Variants in EPN2 observed in about 807,000 individuals in gnomAD.
EPN2 encodes the protein epsin-2.
In EPN2, 34 loss-of-function variants were observed where a neutral mutation model predicts 61.7. The observed-to-expected ratio is 0.55, with a 90% CI of 0.42 to 0.73. The LOEUF is 0.73. EPN2 is among the 30% of genes least tolerant of loss of function. EPN2 has a pLI of 0.00. For missense variants in EPN2, 714 were observed against 839.2 expected (o/e 0.85, Z 1.84); for synonymous variants, 349 against 353.6 (o/e 0.99, Z 0.15).
Position 19,329,591 on chromosome 17 carries a change from G to C in EPN2, c.1355G>C (p.Gly452Ala). The C allele has an allele frequency of 6.2e-7, 1 of 1,613,392 alleles. No homozygotes were observed. Among genetic ancestry groups the C allele is most frequent in the Non-Finnish European group, 8.5e-7 (1 of 1,179,434 alleles). Residue 452 changes from glycine (G) to alanine (A), a missense_variant, in exon 9 of 11, where the codon GGT becomes GCT. Gly to Ala is a moderately conservative substitution (Grantham distance 60, BLOSUM62 0). Transcript: ENST00000314728. ...TTTGAGCTCTTCAGTAATCTGAATG[G>C]TACAATTAAAGATGACTTTTCTGAA... ...GSFELFSNLN[G>A]TIKDDFSEFD...
At chr17:19,310,571 C>CTTTTTTTTTTTTTTTTTTTTTTTTTTTT (rs71155391) in intron 5 of EPN2, among the ~76,000 whole-genome samples, 1 of 80,912 alleles carries the variant, frequency 1.2e-5, no homozygotes, top group Non-Finnish European at 2.2e-5. Context: ...CTCCTTCTTT[C>CTTTTTTTTTTTTTTTTTTTTTTTTTTTT]TTTTTTTTTT....
intron 4 of EPN2, among the ~76,000 whole-genome samples, chr17:19,302,876 C>T (rs762189741): frequency 3.8e-4 from 58 of 152,172 alleles, no homozygotes; most frequent in Non-Finnish European, 6.8e-4. Flanking sequence ...CTTGAGGGCC[C>T]GTGCTCTCGT....
chr17:19,332,037 A>T lies in EPN2; in HGVS notation c.1596A>T (p.Pro532=). The change falls in exon 10 of 11, where the codon CCA becomes CCT. Residue 532 remains proline, a synonymous_variant. Coordinates refer to ENST00000314728, the MANE Select transcript of EPN2 (RefSeq NM_014964.5). ...LDSLVTRPAP[P]AQSLNPFLAP... Reference sequence around the variant, plus strand: ...CACTGGTGACCAGGCCTGCCCCACCAGCCCAGTCCCTCAACCCTTTCCTGG... The same window carrying T: ...CACTGGTGACCAGGCCTGCCCCACCTGCCCAGTCCCTCAACCCTTTCCTGG... 6.2e-7 allele frequency: 1 copy of T among 1,612,530 alleles called. No individual in the cohort carries two copies. Among genetic ancestry groups the T allele is most frequent in the Non-Finnish European group, 8.5e-7 (1 of 1,179,932 alleles).
At chr17:19,267,086 G>A (rs1291024724) in intron 1 of EPN2, among the ~76,000 whole-genome samples, 1 of 151,294 alleles carries the variant, frequency 6.6e-6, no homozygotes, top group African/African-American at 2.4e-5. Context: ...TGATCCGCCT[G>A]CCTCGGCCTC....
At chr17:19,271,987 A>C (rs2045259156) in intron 1 of EPN2, among the ~76,000 whole-genome samples, 2 of 152,248 alleles carry the variant, frequency 1.3e-5, no homozygotes, top group African/African-American at 4.8e-5. Context: ...CACATCCACC[A>C]GCCAGGTCTA....
chr17:19,295,279 C>T (rs983444901), intron 4 of EPN2, among the ~76,000 whole-genome samples: 5 of 152,008 alleles, frequency 3.3e-5, no homozygotes, highest in Non-Finnish European at 7.4e-5. Flanking sequence ...TCTCTCCTCA[C>T]CTGAGGGCAG....
intron 7 of EPN2, among the ~76,000 whole-genome samples, chr17:19,320,883 C>T (rs1906605402): frequency 6.6e-6 from 1 of 152,194 alleles, no homozygotes; most frequent in Non-Finnish European, 1.5e-5. Context: ...GCCTGAGGTC[C>T]TGTGGGTCCC....
intron 1 of EPN2, among the ~76,000 whole-genome samples, chr17:19,254,543 AAAAAAC>A (rs375673403): frequency 9.5e-4 from 145 of 152,322 alleles, no homozygotes; most frequent in East Asian, 6.9e-3. Flanking sequence ...TCTGTCTCAA[AAAAAAC>A]AAAAACAAAA....
intron 1 of EPN2, among the ~76,000 whole-genome samples, chr17:19,244,826 G>A (rs748983955): frequency 2.0e-5 from 3 of 152,214 alleles, no homozygotes; most frequent in East Asian, 1.9e-4. Context: ...AAAACTAAGA[G>A]GGGTTCAGTA....
chr17:19,308,219 G>A (rs1268939095), intron 4 of EPN2: 6 of 453,840 alleles, frequency 1.3e-5, no homozygotes, highest in Admixed American at 6.4e-5. Flanking sequence ...GATTACTGGC[G>A]CCCGCCACCA....
chr17:19,240,493 A>G (rs1295313272), intron 1 of EPN2, among the ~76,000 whole-genome samples: 12 of 152,196 alleles, frequency 7.9e-5, no homozygotes, highest in Non-Finnish European at 1.3e-4. Flanking sequence ...TGATCCACCT[A>G]TCTTGGCCTC....
rs987672658 is a variant in EPN2, at chr17:19,287,451, C to T, written c.766+1661C>T. Among the ~76,000 whole-genome samples, 20 of 152,246 alleles carry T rather than the reference C, an allele frequency of 1.3e-4. 2 individuals carry two copies. The highest frequency in any genetic ancestry group is 8.5e-4 in the Admixed American group (13 of 15,296). On this transcript the variant is annotated intron_variant, in intron 4 of 10. Coordinates refer to ENST00000314728, the MANE Select transcript of EPN2 (RefSeq NM_014964.5). ...TGGGTGTGGCATCCTCTCCACATCT[C>T]ACTCCCTCCCCGTCAGAGGGTAGGG... is the stretch of plus-strand genomic sequence containing the variant.
intron 4 of EPN2, among the ~76,000 whole-genome samples, chr17:19,308,887 A>T (rs114903162): frequency 0.011 from 1,688 of 152,076 alleles, 26 homozygotes; most frequent in African/African-American, 0.039. Context: ...GAATGTTAAG[A>T]CTCCCGTGGG....
intron 1 of EPN2, among the ~76,000 whole-genome samples, chr17:19,267,635 C>T (rs763547378): frequency 1.6e-4 from 24 of 151,778 alleles, no homozygotes; most frequent in Non-Finnish European, 2.4e-4. Context: ...CTCTGCCTCC[C>T]GGGTTCAAGC....
intron 4 of EPN2, among the ~76,000 whole-genome samples, chr17:19,305,558 T>C (rs58955095): frequency 0.01 from 1,591 of 152,322 alleles, 22 homozygotes; most frequent in African/African-American, 0.035. Flanking sequence ...AATTGCAAAA[T>C]GTAGCTGATA....
chr17:19,276,773 G>GTTTTTCTTTTTTTT (rs370693392), intron 1 of EPN2, among the ~76,000 whole-genome samples: 4 of 119,324 alleles, frequency 3.4e-5, no homozygotes, highest in African/African-American at 1.7e-4. Flanking sequence ...ATGAGAATAA[G>GTTTTTCTTTTTTTT]TTTTTTTTTT....
chr17:19,306,780 G>A (rs764977171), intron 4 of EPN2, among the ~76,000 whole-genome samples: 6 of 152,304 alleles, frequency 3.9e-5, no homozygotes, highest in South Asian at 2.1e-4. Context: ...GTTTTCCAGA[G>A]CACTTTTTTT....
At chr17:19,269,620 A>G (rs2045234630) in intron 1 of EPN2, among the ~76,000 whole-genome samples, 1 of 152,190 alleles carries the variant, frequency 6.6e-6, no homozygotes, top group African/African-American at 2.4e-5. Context: ...AGAACCTTCC[A>G]CATTTCAAGG....
chr17:19,317,695 G>C (rs913147761), intron 7 of EPN2, among the ~76,000 whole-genome samples: 1 of 152,142 alleles, frequency 6.6e-6, no homozygotes, highest in African/African-American at 2.4e-5. Context: ...TCATTCACTT[G>C]AGCTTTCAAC....
Sources: gnomAD v4.1 joint callset for allele counts (sites outside exome capture counted in the v4.1 genomes callset) on GRCh38, gnomAD v4.1.1 for gene constraint, MANE v1.5 for transcripts, NCBI Gene and HGNC (gene_info 2026-07-23, HGNC 2026-07-21) for gene names.